ANLN: variants seen among roughly 807,000 people sequenced by gnomAD.
ANLN encodes anillin.
A neutral mutation model predicts 135.1 loss-of-function variants in ANLN; 59 were observed. That is an observed-to-expected ratio of 0.44 (90% CI 0.35 to 0.54). The LOEUF is 0.54. ANLN is among the 20% of genes least tolerant of loss of function. ANLN has a pLI of 0.00. For synonymous variants in ANLN, 406 were observed against 456.4 expected, an observed-to-expected ratio of 0.89 and a Z score of 1.41; for missense variants, 1,182 against 1,340.0, an observed-to-expected ratio of 0.88 and a Z score of 1.84.
chr7:36,426,383 G>A (rs556072973), intron 19 of ANLN, among the ~76,000 whole-genome samples: 27 of 152,214 alleles, frequency 1.8e-4, no homozygotes, highest in African/African-American at 5.8e-4. Context: ...CATAACTGGC[G>A]TTGTATCATG....
intron 1 of ANLN, among the ~76,000 whole-genome samples, chr7:36,392,030 C>A (rs1786495533): frequency 6.6e-6 from 1 of 151,894 alleles, no homozygotes; most frequent in South Asian, 2.1e-4. Flanking sequence ...GAGTTTGAAG[C>A]TCTACTCACA....
rs969707963 is a variant in ANLN, at chr7:36,396,282, C to T, written c.35C>T (p.Thr12Ile). 2 of 1,603,612 alleles carry T rather than the reference C, an allele frequency of 1.2e-6. No individual in the cohort carries two copies. Among genetic ancestry groups the T allele is most frequent in the Non-Finnish European group, 1.7e-6 (2 of 1,173,178 alleles). ...DPFTEKLLERTRARRENLQRK... is the reference protein window; with the variant it reads ...DPFTEKLLERIRARRENLQRK... ...TTTATGTAGAAACTGCTGGAGCGAA[C>T]CCGTGCCAGGCGAGAGAATCTTCAG... Residue 12 changes from threonine to isoleucine, a missense_variant, in exon 2 of 24, where the codon ACC becomes ATC. Coordinates refer to ENST00000265748, the MANE Select transcript of ANLN (RefSeq NM_018685.5).
In ANLN at chr7:36,443,790, G is replaced by A. The variant is rs1289204897; in HGVS notation, c.3006G>A (p.Trp1002Ter). The change falls in exon 22 of 24, where the codon TGG (tryptophan) becomes TGA (stop). Residue 1002 changes from tryptophan (W) to a stop codon, truncating the protein, a stop_gained. Transcript: ENST00000265748. LOFTEE classifies it high-confidence loss of function. ...AAGATGTTAGTGGTTTTGGTGCCTG[G>A]CATCGAAGATGGTGTGTTCTTTCTG... ...IFEDVSGFGAWHRRWCVLSGN... is the reference protein window; with the variant it reads ...IFEDVSGFGA The A allele has an allele frequency of 6.2e-7, 1 of 1,612,864 alleles. No homozygotes were observed. Among genetic ancestry groups the A allele is most frequent in the Non-Finnish European group, 8.5e-7 (1 of 1,179,338 alleles).
In ANLN at chr7:36,423,821, A is replaced by G. The variant is rs142859579; in HGVS notation, c.2481A>G (p.Ala827=). The G allele has an allele frequency of 6.1e-5, 98 of 1,609,204 alleles. 1 individual carries two copies. In the African/African-American group the frequency reaches 7.1e-4, roughly 12 times the overall value. ...FVCSTVQKPD[A]ANYYYLIILK... ...TAATATGATTACTTCTTACAGATGC[A>G]GCAAATTACTATTACTTAATTATAC... The change falls in exon 15 of 24, where the codon GCA becomes GCG. Residue 827 remains alanine, a synonymous_variant. Transcript: ENST00000265748.
chr7:36,442,132 A>G (rs1788799668), intron 21 of ANLN, among the ~76,000 whole-genome samples: 1 of 152,238 alleles, frequency 6.6e-6, no homozygotes, highest in South Asian at 2.1e-4. Flanking sequence ...AAGAGTGTAT[A>G]TCCTATTGTC....
chr7:36,392,965 T>G (rs1359688491), intron 1 of ANLN, among the ~76,000 whole-genome samples: 1 of 152,120 alleles, frequency 6.6e-6, no homozygotes, highest in Non-Finnish European at 1.5e-5. Context: ...AAGTGAGAGA[T>G]ATAGCAATTG....
chr7:36,400,679 G>A (rs1185328173), intron 3 of ANLN, among the ~76,000 whole-genome samples: 1 of 152,182 alleles, frequency 6.6e-6, no homozygotes, highest in Non-Finnish European at 1.5e-5. Context: ...CATTTCTAAA[G>A]TGAGCTAGCA....
At chr7:36,433,302 G>A (rs186511089) in intron 20 of ANLN, among the ~76,000 whole-genome samples, 1 of 152,204 alleles carries the variant, frequency 6.6e-6, no homozygotes, top group Admixed American at 6.5e-5. Flanking sequence ...GGTTTTGTTT[G>A]TCCAGAAATA....
intron 1 of ANLN, chr7:36,390,373 G>A (rs1279618341): frequency 2.6e-6 from 1 of 389,270 alleles, no homozygotes. Context: ...GCAGGCCTGC[G>A]GAACGGGTCC....
intron 14 of ANLN, among the ~76,000 whole-genome samples, 162 bp from the exon 15 acceptor site, chr7:36,423,655 T>TTA (rs1221992366): frequency 1.3e-5 from 2 of 152,152 alleles, no homozygotes; most frequent in Non-Finnish European, 2.9e-5. Context: ...TACTTAAGTC[T>TTA]TATTTAGCTT....
At chr7:36,394,707 T>G (rs1786627020) in intron 1 of ANLN, among the ~76,000 whole-genome samples, 1 of 152,208 alleles carries the variant, frequency 6.6e-6, no homozygotes, top group Non-Finnish European at 1.5e-5. Context: ...TTTAAAAAAT[T>G]GTTACTGTAT....
At chr7:36,390,421 C>T (rs916918578) in intron 1 of ANLN, 2 of 262,028 alleles carry the variant, frequency 7.6e-6, no homozygotes, top group Non-Finnish European at 1.5e-5. Flanking sequence ...GGGCGGGGTC[C>T]GGGGCCGGTG....
intron 10 of ANLN, 83 bp from the exon 11 acceptor site, chr7:36,420,086 T>C: frequency 7.3e-7 from 1 of 1,367,640 alleles, no homozygotes; most frequent in Non-Finnish European, 9.9e-7. Context: ...TTCTTAATAT[T>C]AATGGAGAAT....
At chr7:36,415,995 G>C in intron 8 of ANLN, 111 bp downstream of exon 8, 2 of 954,184 alleles carry the variant, frequency 2.1e-6, no homozygotes, top group Admixed American at 6.3e-5. Flanking sequence ...ACGTTTTTTG[G>C]GGGGAATCTT....
chr7:36,408,649 G>A (rs1324824553), intron 5 of ANLN, among the ~76,000 whole-genome samples: 1 of 152,118 alleles, frequency 6.6e-6, no homozygotes, highest in East Asian at 1.9e-4. Context: ...TCACCCTACT[G>A]ATCTATCAAA....
At position 36,448,174 on chromosome 7, in the gene ANLN, C is replaced by T. The variant is rs564884545; in HGVS notation, c.3079-1491C>T. ...GACTACAGGCAAGCGCCACCACGCA[C>T]GGCTAGTTTTTGTATTTTCAGTAGA... On this transcript the variant is annotated intron_variant, in intron 22 of 23. Transcript: ENST00000265748. Among the ~76,000 whole-genome samples the T allele has an allele frequency of 6.6e-5, 10 of 152,110 alleles. No homozygotes were observed. The South Asian group carries it at 1.0e-3, about 16-fold the overall frequency.
At chr7:36,435,387 G>A (rs866671414) in intron 20 of ANLN, among the ~76,000 whole-genome samples, 1 of 84,126 alleles carries the variant, frequency 1.2e-5, no homozygotes, top group Non-Finnish European at 2.7e-5. Flanking sequence ...AGAGATGGTG[G>A]GGGGGGGGTC....
chr7:36,418,126 A>C (rs1284214408), intron 9 of ANLN, among the ~76,000 whole-genome samples: 4 of 152,204 alleles, frequency 2.6e-5, no homozygotes, highest in Non-Finnish European at 5.9e-5. Context: ...GGAAAGGGGC[A>C]TGGAGCTTCC....
chr7:36,448,988 C>G (rs1789129140), intron 22 of ANLN: 1 of 152,234 alleles, frequency 6.6e-6, no homozygotes, highest in Admixed American at 6.5e-5. Flanking sequence ...CCTAACCAAT[C>G]AACAGAGGTT....
Sources: gnomAD v4.1 joint callset for allele counts (sites outside exome capture counted in the v4.1 genomes callset) on GRCh38, gnomAD v4.1.1 for gene constraint, MANE v1.5 for transcripts, NCBI Gene and HGNC (gene_info 2026-07-23, HGNC 2026-07-21) for gene names.